Variants in CDH18 observed in about 807,000 individuals in gnomAD.
The protein encoded by CDH18 is cadherin-18.
A neutral mutation model predicts 67.9 loss-of-function variants in CDH18; 31 were observed. The ratio of observed to expected loss-of-function variants is 0.46; its 90% CI spans 0.34 to 0.62. The LOEUF (loss-of-function observed/expected upper bound fraction) is 0.62. CDH18 is among the 20% of genes least tolerant of loss of function. The pLI, the probability that CDH18 is intolerant of heterozygous loss-of-function variation, is 0.01. For missense variants in CDH18, 890 were observed against 975.5 expected (o/e 0.91, Z 1.17); for synonymous variants, 362 against 347.2 (o/e 1.04, Z -0.48).
intron 5 of CDH18, among the ~76,000 whole-genome samples, chr5:19,701,683 T>C (rs1763267434): frequency 1.3e-5 from 2 of 152,048 alleles, no homozygotes; most frequent in African/African-American, 4.8e-5. Flanking sequence ...CGCTTAGAGA[T>C]AAAATTGATT....
rs1036924213 is a variant in CDH18, at chr5:20,520,128, A to T, written c.-580+55334T>A. 4.0e-5 allele frequency among the ~76,000 whole-genome samples: 6 copies of T among 151,580 alleles called. No individual in the cohort carries two copies. The South Asian group carries it at 1.3e-3, about 32-fold the overall frequency. ...GATGTCCTTTTGAAAAGAGGGGATG[A>T]CAGGGCATTAGGGTGTCTAAGAGCT... is the stretch of plus-strand genomic sequence containing the variant. On this transcript the variant is annotated intron_variant, in intron 1 of 14. Transcript: ENST00000507958.
chr5:20,442,018 A>G (rs527913651), intron 1 of CDH18, among the ~76,000 whole-genome samples: 1 of 152,010 alleles, frequency 6.6e-6, no homozygotes, highest in African/African-American at 2.4e-5. Flanking sequence ...GAGATATTTT[A>G]TCTGTTCTGT....
chr5:19,836,366 G>A (rs1303447482), intron 3 of CDH18, among the ~76,000 whole-genome samples: 1 of 152,084 alleles, frequency 6.6e-6, no homozygotes, highest in Non-Finnish European at 1.5e-5. Context: ...CATTCTACCT[G>A]GCATTAGATG....
intron 2 of CDH18, among the ~76,000 whole-genome samples, chr5:19,930,342 G>A (rs1793547586): frequency 6.6e-6 from 1 of 151,962 alleles, no homozygotes; most frequent in Non-Finnish European, 1.5e-5. Flanking sequence ...AGAAACATAT[G>A]TGTACACACT....
At chr5:20,327,329 G>T (rs1738696303) in intron 1 of CDH18, among the ~76,000 whole-genome samples, 1 of 152,096 alleles carries the variant, frequency 6.6e-6, no homozygotes, top group South Asian at 2.1e-4. Context: ...GTAAAATGTA[G>T]ATTTACGGAG....
chr5:19,819,574 G>A (rs2149937640), intron 3 of CDH18, among the ~76,000 whole-genome samples: 1 of 152,254 alleles, frequency 6.6e-6, no homozygotes, highest in Non-Finnish European at 1.5e-5. Context: ...GGAACTGTGA[G>A]GCAGCACACT....
chr5:20,179,657 G>T (rs949042239), intron 2 of CDH18, among the ~76,000 whole-genome samples: 1 of 152,144 alleles, frequency 6.6e-6, no homozygotes, highest in Non-Finnish European at 1.5e-5. Flanking sequence ...ACTGGTAAGG[G>T]AATAAACCAA....
intron 1 of CDH18, among the ~76,000 whole-genome samples, chr5:20,425,022 C>A (rs2150165666): frequency 6.6e-6 from 1 of 150,680 alleles, no homozygotes; most frequent in South Asian, 2.1e-4. Context: ...ATTGATATTT[C>A]CCTTAGAAAC....
chr5:19,510,853 C>T (rs1744999671), intron 10 of CDH18, among the ~76,000 whole-genome samples: 1 of 151,354 alleles, frequency 6.6e-6, no homozygotes, highest in Admixed American at 6.6e-5. Context: ...CTCTTGTTGC[C>T]TAGGCTGGAG....
intron 2 of CDH18, among the ~76,000 whole-genome samples, chr5:20,180,903 C>T (rs1400278885): frequency 2.0e-5 from 3 of 152,108 alleles, no homozygotes; most frequent in Non-Finnish European, 4.4e-5. Context: ...ATTGATATAA[C>T]TATTACACTG....
At chr5:19,546,976 C>CTA (rs1736440076) in intron 8 of CDH18, among the ~76,000 whole-genome samples, 1 of 152,210 alleles carries the variant, frequency 6.6e-6, no homozygotes, top group African/African-American at 2.4e-5. Context: ...AGGTACAACT[C>CTA]TAAAGTAAAT....
At chr5:20,237,898 G>C (rs1042038807) in intron 2 of CDH18, among the ~76,000 whole-genome samples, 2 of 151,896 alleles carry the variant, frequency 1.3e-5, no homozygotes, top group African/African-American at 4.8e-5. Context: ...TATCTGATTT[G>C]AAGATTTATT....
At chr5:20,313,728 T>C (rs1737204135) in intron 1 of CDH18, among the ~76,000 whole-genome samples, 1 of 152,098 alleles carries the variant, frequency 6.6e-6, no homozygotes, top group Admixed American at 6.6e-5. Flanking sequence ...CTTGATATTC[T>C]ATTTCTCTGT....
At chr5:20,091,475 G>T (rs1052778997) in intron 2 of CDH18, among the ~76,000 whole-genome samples, 1 of 152,162 alleles carries the variant, frequency 6.6e-6, no homozygotes, top group Non-Finnish European at 1.5e-5. Context: ...TGGCACTCCA[G>T]CCTGGGTGAC....
chr5:20,563,365 A>C (rs1347187942), intron 1 of CDH18, among the ~76,000 whole-genome samples: 1 of 152,076 alleles, frequency 6.6e-6, no homozygotes, highest in Non-Finnish European at 1.5e-5. Flanking sequence ...CAGCATTTTG[A>C]AGCACAGTTT....
chr5:20,363,656 CTTCTT>C (rs1298633266), intron 1 of CDH18, among the ~76,000 whole-genome samples: 1 of 151,650 alleles, frequency 6.6e-6, no homozygotes, highest in African/African-American at 2.4e-5. Flanking sequence ...AAATGCCCTT[CTTCTT>C]TTGTCTGCCT....
intron 2 of CDH18, among the ~76,000 whole-genome samples, chr5:20,242,633 T>TAC (rs1743055129): frequency 4.5e-4 from 12 of 26,732 alleles, no homozygotes; most frequent in African/African-American, 1.2e-3. Context: ...TATATATATA[T>TAC]GTATATATAT....
chr5:20,031,220 A>G (rs1231768400), intron 2 of CDH18, among the ~76,000 whole-genome samples: 1 of 152,098 alleles, frequency 6.6e-6, no homozygotes, highest in Non-Finnish European at 1.5e-5. Flanking sequence ...TATCTCTGAA[A>G]AAAGGTGGCT....
chr5:19,847,391 T>C (rs1561432228), intron 2 of CDH18, among the ~76,000 whole-genome samples: 1 of 152,110 alleles, frequency 6.6e-6, no homozygotes, highest in Non-Finnish European at 1.5e-5. Context: ...TCAAATCTGC[T>C]ATAGAACTTT....
Sources: gnomAD v4.1 joint callset for allele counts (sites outside exome capture counted in the v4.1 genomes callset) on GRCh38, gnomAD v4.1.1 for gene constraint, MANE v1.5 for transcripts, NCBI Gene and HGNC (gene_info 2026-07-23, HGNC 2026-07-21) for gene names.